Variants in ESRP1 observed in about 807,000 individuals in gnomAD.
ESRP1 encodes the protein RNA-binding motif protein 35A.
ESRP1 carries 33 observed loss-of-function variants against 81.7 expected under a neutral mutation model. That is an observed-to-expected ratio of 0.40 (90% confidence interval 0.31 to 0.54). The LOEUF is 0.54. Ranked by LOEUF, ESRP1 falls within the 20% of genes least tolerant of loss-of-function variation. The pLI is 0.41. For missense variants in ESRP1, 672 were observed against 833.1 expected (o/e 0.81, Z 2.38); for synonymous variants, 320 against 303.3 (o/e 1.06, Z -0.57).
Position 94,641,208 on chromosome 8 carries a change from G to A in ESRP1, c.-111G>A. 1 of 1,057,982 alleles carries A rather than the reference G, an allele frequency of 9.5e-7. No individual in the cohort carries two copies. The allele number at this position is 1,057,982 out of a possible 1,614,324, so 65.5% of individuals were successfully genotyped here. A position where few individuals can be genotyped will look rare whatever the true frequency, so the allele number is the denominator to read the frequency against. ...TAGCAGTAGCAAGGAAGGGGGGTGG[G>A]CGCTCTTTCTTTTTCTCTTAGAAGA... is the stretch of plus-strand genomic sequence containing the variant. On this transcript the variant is annotated 5_prime_UTR_variant, in exon 1 of 16. Transcript: ENST00000433389.
Position 94,696,886 on chromosome 8 carries a change from A to AC in ESRP1, c.2008dup (p.Gln670ProfsTer32). ...GAGGATGGACTTATACACACAAATG[A>AC]CCAGGCCAGGACTCTACCCAAAGAA... On this transcript the variant is annotated frameshift_variant, in exon 15 of 16. Transcript: ENST00000433389. LOFTEE classifies it high-confidence loss of function. The AC allele has an allele frequency of 6.3e-7, 1 of 1,595,918 alleles. No individual in the cohort carries two copies. The highest frequency in any genetic ancestry group is 8.5e-7 in the Non-Finnish European group (1 of 1,170,660).
chr8:94,696,525 T>C (rs1809611663), intron 14 of ESRP1, among the ~76,000 whole-genome samples: 1 of 152,240 alleles, frequency 6.6e-6, no homozygotes, highest in Non-Finnish European at 1.5e-5. Flanking sequence ...ATATTTGATA[T>C]GTAATCATAC....
intron 6 of ESRP1, among the ~76,000 whole-genome samples, chr8:94,664,324 A>G (rs953559640): frequency 1.3e-5 from 2 of 151,922 alleles, no homozygotes; most frequent in Non-Finnish European, 2.9e-5. Flanking sequence ...GGGTTTTACC[A>G]TGTTGGCCAG....
intron 3 of ESRP1, among the ~76,000 whole-genome samples, chr8:94,645,141 GGTT>G (rs1817781171): frequency 6.6e-6 from 1 of 152,066 alleles, no homozygotes; most frequent in South Asian, 2.1e-4. Flanking sequence ...TGGTTCTTTT[GGTT>G]GTTAACTTTT....
chr8:94,692,190 G>A (rs916424052), intron 13 of ESRP1, among the ~76,000 whole-genome samples: 7 of 152,178 alleles, frequency 4.6e-5, no homozygotes, highest in African/African-American at 1.4e-4. Context: ...ATTTGCTGTA[G>A]TACTGCTGTG....
rs942435280 is a variant in ESRP1, at chr8:94,641,833, T to G, written c.133-123T>G. 57 of 1,460,130 alleles carry G rather than the reference T, an allele frequency of 3.9e-5. No individual in the cohort carries two copies. In the Middle Eastern group the frequency reaches 7.0e-4, roughly 18 times the overall value. The allele number at this position is 1,460,130 out of a possible 1,614,324, so 90.4% of individuals were successfully genotyped here. A position where few individuals can be genotyped will look rare whatever the true frequency, so the allele number is the denominator to read the frequency against. On this transcript the variant is annotated intron_variant, in intron 1 of 15. Transcript: ENST00000433389. ...CCGGAACCGATGGCGAGTCGAGAGCTTTGATTCTGCGTCCGGACCCCAAGA... is the reference window on the plus strand; with the variant it reads ...CCGGAACCGATGGCGAGTCGAGAGCGTTGATTCTGCGTCCGGACCCCAAGA...
intron 13 of ESRP1, among the ~76,000 whole-genome samples, 182 bp from the exon 14 acceptor site, chr8:94,692,495 C>CT (rs1809442880): frequency 6.6e-6 from 1 of 152,162 alleles, no homozygotes; most frequent in African/African-American, 2.4e-5. Context: ...CAACTTTTGG[C>CT]TTTCGTGGAA....
In ESRP1 at chr8:94,642,001, C is replaced by A. The variant is rs777010885; in HGVS notation, c.178C>A (p.Leu60Met). The A allele has an allele frequency of 1.9e-6, 3 of 1,614,034 alleles. No homozygotes were observed. Among genetic ancestry groups the A allele is most frequent in the African/African-American group, 1.3e-5 (1 of 75,068 alleles). ...GCTAGTTAGACCGGATCAGTTGGAA[C>A]TGACGGAGGACTGCAAAGAAGAAAC... ...EVLVRPDQLE[L>M]TEDCKEETKI... The change falls in exon 2 of 16, where the codon CTG becomes ATG. Residue 60 changes from leucine (L) to methionine (M), a missense_variant. By Grantham distance (15) the Leu-to-Met change is conservative (BLOSUM62 2). Transcript: ENST00000433389.
At chr8:94,687,846 A>G (rs1563544026) in intron 13 of ESRP1, among the ~76,000 whole-genome samples, 3 of 152,152 alleles carry the variant, frequency 2.0e-5, no homozygotes. Flanking sequence ...ATTTTCTCCA[A>G]TTCTGTAGGT....
intron 14 of ESRP1, among the ~76,000 whole-genome samples, chr8:94,696,315 C>G (rs1364943234): frequency 4.6e-5 from 7 of 152,228 alleles, no homozygotes; most frequent in African/African-American, 1.4e-4. Flanking sequence ...ATGCCTTTTA[C>G]ATTTTCAATA....
chr8:94,693,681 A>G (rs567974358), intron 14 of ESRP1, among the ~76,000 whole-genome samples: 2 of 152,326 alleles, frequency 1.3e-5, no homozygotes, highest in East Asian at 3.9e-4. Context: ...TGTTTTCGGA[A>G]TAATAGTCAC....
chr8:94,697,661 T>G (rs1327658374), intron 15 of ESRP1, among the ~76,000 whole-genome samples: 1 of 152,268 alleles, frequency 6.6e-6, no homozygotes, highest in Non-Finnish European at 1.5e-5. Context: ...TGAGCACTCA[T>G]GTATAATTAT....
At chr8:94,688,524 A>G (rs74909405) in intron 13 of ESRP1, 10 of 215,922 alleles carry the variant, frequency 4.6e-5, no homozygotes, top group African/African-American at 1.9e-4. Flanking sequence ...GTTTGGTTTC[A>G]TTATACTGAC....
chr8:94,647,059 G>T (rs1449066310), intron 4 of ESRP1, among the ~76,000 whole-genome samples: 6 of 152,202 alleles, frequency 3.9e-5, no homozygotes, highest in Non-Finnish European at 8.8e-5. Flanking sequence ...TCAGTAGCTT[G>T]TGGGTTGTAG....
intron 9 of ESRP1, 85 bp downstream of exon 9, chr8:94,665,281 G>A (rs925776168): frequency 2.3e-6 from 3 of 1,321,084 alleles, no homozygotes; most frequent in African/African-American, 2.9e-5. Context: ...TAGGTGAATA[G>A]GGTCATGAAT....
chr8:94,670,486 G>C (rs1427222572), intron 10 of ESRP1, among the ~76,000 whole-genome samples: 1 of 152,170 alleles, frequency 6.6e-6, no homozygotes, highest in Non-Finnish European at 1.5e-5. Flanking sequence ...AGCAGGGTGT[G>C]AGTGGGGAAA....
intron 13 of ESRP1, among the ~76,000 whole-genome samples, chr8:94,682,966 C>A (rs1271584134): frequency 2.4e-4 from 6 of 24,842 alleles, no homozygotes; most frequent in South Asian, 1.6e-3. Flanking sequence ...TTTTTTGAGA[C>A]GGAGTTTCAT....
chr8:94,685,026 A>G (rs562510217), intron 13 of ESRP1, among the ~76,000 whole-genome samples: 1 of 152,020 alleles, frequency 6.6e-6, no homozygotes, highest in South Asian at 2.1e-4. Flanking sequence ...TGTCTTTAAA[A>G]AAAAAAAAAG....
At chr8:94,652,821 G>A (rs1818211469) in intron 4 of ESRP1, among the ~76,000 whole-genome samples, 1 of 152,228 alleles carries the variant, frequency 6.6e-6, no homozygotes, top group South Asian at 2.1e-4. Context: ...GAACGGCTCA[G>A]TGGGGAGCTT....
Sources: gnomAD v4.1 joint callset for allele counts (sites outside exome capture counted in the v4.1 genomes callset) on GRCh38, gnomAD v4.1.1 for gene constraint, MANE v1.5 for transcripts, NCBI Gene and HGNC (gene_info 2026-07-23, HGNC 2026-07-21) for gene names.